Variants in C1QTNF3 observed in about 807,000 individuals in gnomAD.
The protein encoded by C1QTNF3 is C1q and TNF related 3.
Under a neutral mutation model 32.6 loss-of-function variants are expected in C1QTNF3, and 26 were observed. That is an observed-to-expected ratio of 0.80 (90% CI 0.58 to 1.11). The LOEUF is 1.11. Ranked by LOEUF, C1QTNF3 falls within the 50% of genes least tolerant of loss-of-function variation. The pLI is 0.00. For synonymous variants in C1QTNF3, 155 were observed against 146.0 expected, an observed-to-expected ratio of 1.06 and a Z score of -0.44; for missense variants, 362 against 398.2, an observed-to-expected ratio of 0.91 and a Z score of 0.77.
chr5:34,066,428 C>T, the C1QTNF3 span, among the ~76,000 whole-genome samples: 1 of 152,014 alleles, frequency 6.6e-6, no homozygotes, highest in Non-Finnish European at 1.5e-5. Context: ...CATAGATAAA[C>T]AAAGTTGTTA....
chr5:34,066,547 T>A, the C1QTNF3 span, among the ~76,000 whole-genome samples: 1 of 151,998 alleles, frequency 6.6e-6, no homozygotes, highest in Non-Finnish European at 1.5e-5. Flanking sequence ...AATTGGCACG[T>A]TTATTTTGGG....
chr5:34,124,420 G>C, the C1QTNF3 span: 16 of 716,234 alleles, frequency 2.2e-5, no homozygotes, highest in Admixed American at 8.0e-5. Flanking sequence ...AGTGATACCT[G>C]CTTCTGGAGA....
chr5:34,241,831 G>C, the C1QTNF3 span, among the ~76,000 whole-genome samples: 2 of 151,700 alleles, frequency 1.3e-5, no homozygotes, highest in South Asian at 4.2e-4. Context: ...GTTCAAGCCT[G>C]CAGTGAGCTA....
At chr5:34,159,770 A>T in the C1QTNF3 span, among the ~76,000 whole-genome samples, 1 of 152,042 alleles carries the variant, frequency 6.6e-6, no homozygotes, top group African/African-American at 2.4e-5. Context: ...AACATTGATA[A>T]GAATAAAAGA....
At chr5:34,242,386 G>A in the C1QTNF3 span, among the ~76,000 whole-genome samples, 1 of 152,082 alleles carries the variant, frequency 6.6e-6, no homozygotes, top group South Asian at 2.1e-4. Context: ...TCGTGGACAA[G>A]GCCAACAAAA....
chr5:34,044,894 A>T (rs959215668), upstream of C1QTNF3, among the ~76,000 whole-genome samples: 1 of 152,148 alleles, frequency 6.6e-6, no homozygotes, highest in African/African-American at 2.4e-5. Flanking sequence ...CTGGGAAGGG[A>T]AGTGTGTCAA....
chr5:34,138,946 T>C, the C1QTNF3 span, among the ~76,000 whole-genome samples: 3 of 152,054 alleles, frequency 2.0e-5, no homozygotes, highest in South Asian at 6.2e-4. Context: ...GCAAAACTAG[T>C]AATCAACAAA....
chr5:34,093,834 C>A, the C1QTNF3 span, among the ~76,000 whole-genome samples: 1 of 152,166 alleles, frequency 6.6e-6, no homozygotes, highest in Non-Finnish European at 1.5e-5. Flanking sequence ...TGAAACACGG[C>A]GGGGTTAGCC....
the C1QTNF3 span, chr5:34,175,792 C>A: frequency 9.6e-6 from 7 of 725,980 alleles, no homozygotes; most frequent in African/African-American, 1.2e-4. Context: ...AGGACGGGTA[C>A]ATTATCCCAT....
chr5:34,131,892 C>A, the C1QTNF3 span, among the ~76,000 whole-genome samples: 2 of 151,822 alleles, frequency 1.3e-5, no homozygotes, highest in African/African-American at 4.8e-5. Flanking sequence ...TAAATATGTA[C>A]AATTATCACA....
the C1QTNF3 span, among the ~76,000 whole-genome samples, chr5:34,211,007 A>C: frequency 1.3e-5 from 2 of 151,808 alleles, no homozygotes; most frequent in Non-Finnish European, 2.9e-5. Context: ...AAAACACTGC[A>C]TTTTATTATT....
the C1QTNF3 span, among the ~76,000 whole-genome samples, chr5:34,087,611 T>C: frequency 7.9e-6 from 1 of 126,198 alleles, no homozygotes; most frequent in Non-Finnish European, 1.6e-5. Context: ...ACAGTCTCTG[T>C]CACCCAGGCT....
At chr5:34,169,129 C>T in the C1QTNF3 span, 4 of 152,200 alleles carry the variant, frequency 2.6e-5, no homozygotes, top group Non-Finnish European at 4.4e-5. Flanking sequence ...CAGGTGACTT[C>T]ATCTTGGATT....
the C1QTNF3 span, among the ~76,000 whole-genome samples, chr5:34,080,500 A>T: frequency 2.0e-5 from 3 of 151,726 alleles, no homozygotes; most frequent in African/African-American, 7.3e-5. Flanking sequence ...TCCCATAGAA[A>T]AACACTTTGC....
At chr5:34,036,994 C>G (rs987894390) in intron 1 of C1QTNF3, among the ~76,000 whole-genome samples, 1 of 151,970 alleles carries the variant, frequency 6.6e-6, no homozygotes, top group Non-Finnish European at 1.5e-5. Flanking sequence ...CTGTTTGAAC[C>G]AATGTTTAAT....
the C1QTNF3 span, among the ~76,000 whole-genome samples, chr5:34,055,338 A>G: frequency 3.3e-5 from 5 of 152,222 alleles, no homozygotes; most frequent in African/African-American, 9.6e-5. Context: ...TAAGTACTAC[A>G]CTGGACAGCA....
the C1QTNF3 span, among the ~76,000 whole-genome samples, chr5:34,198,243 AAAAT>A: frequency 4.2e-5 from 6 of 142,872 alleles, no homozygotes; most frequent in Admixed American, 6.7e-5. Context: ...CTCTGTCTCA[AAAAT>A]AAATAAATAA....
chr5:34,205,396 TGAA>T, the C1QTNF3 span, among the ~76,000 whole-genome samples: 6 of 152,298 alleles, frequency 3.9e-5, no homozygotes, highest in East Asian at 1.2e-3. Context: ...TCGCCAGTGT[TGAA>T]GGAGGGGTCT....
chr5:34,052,302 C>T, the C1QTNF3 span, among the ~76,000 whole-genome samples: 1 of 152,184 alleles, frequency 6.6e-6, no homozygotes, highest in African/African-American at 2.4e-5. Context: ...AAAATGTCAT[C>T]TTTGCAGTAC....
Sources: gnomAD v4.1 joint callset for allele counts (sites outside exome capture counted in the v4.1 genomes callset) on GRCh38, gnomAD v4.1.1 for gene constraint, MANE v1.5 for transcripts, NCBI Gene and HGNC (gene_info 2026-07-23, HGNC 2026-07-21) for gene names.